PCDH15: variants seen among roughly 807,000 people sequenced by gnomAD.
The protein encoded by PCDH15 is protocadherin-15.
Under a neutral mutation model 178.5 loss-of-function variants are expected in PCDH15, and 129 were observed. That is an observed-to-expected ratio of 0.72 (90% CI 0.63 to 0.84). The LOEUF (loss-of-function observed/expected upper bound fraction) is 0.84. Among genes scored for constraint, PCDH15 ranks in the 40% least tolerant of loss-of-function variants. PCDH15 has a pLI of 0.00. For synonymous variants in PCDH15, 800 were observed against 732.0 expected (o/e 1.09, Z -1.50); for missense variants, 2,230 against 2,099.9 (o/e 1.06, Z -1.21).
chr10:54,921,842 C>CCCGAG (rs1837497156), intron 2 of PCDH15, among the ~76,000 whole-genome samples: 1 of 152,152 alleles, frequency 6.6e-6, no homozygotes, highest in Admixed American at 6.5e-5. Flanking sequence ...CAGGTAGCAT[C>CCCGAG]TCTGGGGAGG....
intron 2 of PCDH15, among the ~76,000 whole-genome samples, chr10:54,540,855 T>C (rs1462653207): frequency 6.6e-6 from 1 of 152,160 alleles, no homozygotes; most frequent in East Asian, 1.9e-4. Flanking sequence ...TGGTTCAATA[T>C]ATGCAATTCA....
intron 21 of PCDH15, among the ~76,000 whole-genome samples, chr10:53,992,068 C>T (rs766710877): frequency 5.3e-5 from 8 of 151,826 alleles, no homozygotes; most frequent in African/African-American, 1.2e-4. Context: ...ACACTTGCTG[C>T]GAAGGTCTGC....
intron 24 of PCDH15, among the ~76,000 whole-genome samples, chr10:53,939,513 G>C (rs1444798611): frequency 6.6e-6 from 1 of 151,786 alleles, no homozygotes; most frequent in African/African-American, 2.4e-5. Context: ...AGGGCACTTT[G>C]GTAAACTTTA....
At chr10:55,272,838 C>A (rs940867726) in intron 1 of PCDH15, among the ~76,000 whole-genome samples, 1 of 151,928 alleles carries the variant, frequency 6.6e-6, no homozygotes, top group Non-Finnish European at 1.5e-5. Flanking sequence ...AATTCCTTCT[C>A]CCCCCAGCCT....
At chr10:55,154,155 G>C (rs892729993) in intron 2 of PCDH15, among the ~76,000 whole-genome samples, 1 of 152,028 alleles carries the variant, frequency 6.6e-6, no homozygotes, top group African/African-American at 2.4e-5. Context: ...AGACCACTAG[G>C]AGATAAATTG....
intron 3 of PCDH15, among the ~76,000 whole-genome samples, chr10:54,428,959 G>A (rs900269933): frequency 2.0e-5 from 3 of 152,192 alleles, no homozygotes; most frequent in African/African-American, 4.8e-5. Flanking sequence ...GGTTGTTAGT[G>A]AGCAAGAATA....
At chr10:54,070,711 T>C (rs1283572825) in intron 17 of PCDH15, among the ~76,000 whole-genome samples, 2 of 152,156 alleles carry the variant, frequency 1.3e-5, no homozygotes, top group Non-Finnish European at 1.5e-5. Context: ...CACCTCAGTC[T>C]CCTAAGTAGG....
chr10:54,750,398 C>A (rs1226105116), intron 1 of PCDH15, among the ~76,000 whole-genome samples: 1 of 152,024 alleles, frequency 6.6e-6, no homozygotes, highest in African/African-American at 2.4e-5. Context: ...AGTCAACTAA[C>A]CAAAGGAAAC....
At chr10:54,506,713 A>C (rs999068824) in intron 3 of PCDH15, among the ~76,000 whole-genome samples, 1 of 152,028 alleles carries the variant, frequency 6.6e-6, no homozygotes, top group Non-Finnish European at 1.5e-5. Flanking sequence ...CAGTGTTTGC[A>C]TTTCAGTAAG....
intron 2 of PCDH15, among the ~76,000 whole-genome samples, chr10:55,047,516 A>C (rs1841041758): frequency 6.6e-6 from 1 of 151,906 alleles, no homozygotes; most frequent in Non-Finnish European, 1.5e-5. Flanking sequence ...TGAAGAACTC[A>C]TAGCTAACTG....
intron 21 of PCDH15, among the ~76,000 whole-genome samples, chr10:53,972,813 A>G (rs2089845010): frequency 1.3e-5 from 2 of 152,184 alleles, no homozygotes; most frequent in African/African-American, 4.8e-5. Flanking sequence ...GAGGATGTGG[A>G]GAAACAGGAA....
At chr10:54,640,734 A>T (rs141386280) in intron 2 of PCDH15, among the ~76,000 whole-genome samples, 1 of 152,022 alleles carries the variant, frequency 6.6e-6, no homozygotes. Flanking sequence ...GAGTGGAAGA[A>T]TTAGAAAAAG....
At chr10:55,523,361 A>G (rs1273636907) in intron 2 of PCDH15, among the ~76,000 whole-genome samples, 1 of 151,596 alleles carries the variant, frequency 6.6e-6, no homozygotes, top group Admixed American at 6.6e-5. Context: ...AAATTAAAAA[A>G]TTAATAATAT....
intron 1 of PCDH15, among the ~76,000 whole-genome samples, chr10:55,229,988 G>A (rs557711027): frequency 8.6e-5 from 13 of 152,046 alleles, no homozygotes; most frequent in African/African-American, 3.1e-4. Context: ...CAATAGCAAT[G>A]GGGCTATTTT....
chr10:54,450,720 C>T (rs2076432987), intron 3 of PCDH15, among the ~76,000 whole-genome samples: 1 of 151,792 alleles, frequency 6.6e-6, no homozygotes, highest in Admixed American at 6.6e-5. Context: ...AAAAAAATCC[C>T]ATGACACCTA....
intron 2 of PCDH15, among the ~76,000 whole-genome samples, chr10:55,155,311 T>C (rs1838852692): frequency 6.6e-6 from 1 of 152,048 alleles, no homozygotes; most frequent in Non-Finnish European, 1.5e-5. Context: ...AATTTTATTA[T>C]TTATATGTTC....
At chr10:53,909,483 T>C (rs1223111328) in intron 25 of PCDH15, among the ~76,000 whole-genome samples, 1 of 152,126 alleles carries the variant, frequency 6.6e-6, no homozygotes, top group Non-Finnish European at 1.5e-5. Flanking sequence ...TCCTGTAAAT[T>C]AAATGAGGTA....
At chr10:53,855,557 T>C (rs1589112201) in intron 28 of PCDH15, among the ~76,000 whole-genome samples, 2 of 152,184 alleles carry the variant, frequency 1.3e-5, no homozygotes, top group Middle Eastern at 3.4e-3. Context: ...GAATCATATA[T>C]GCTTTTCTTA....
intron 2 of PCDH15, among the ~76,000 whole-genome samples, chr10:54,986,640 AG>A (rs1839372589): frequency 6.6e-6 from 1 of 152,172 alleles, no homozygotes; most frequent in African/African-American, 2.4e-5. Flanking sequence ...CTTTCAACAA[AG>A]CCACATGGAT....
Sources: gnomAD v4.1 joint callset for allele counts (sites outside exome capture counted in the v4.1 genomes callset) on GRCh38, gnomAD v4.1.1 for gene constraint, MANE v1.5 for transcripts, NCBI Gene and HGNC (gene_info 2026-07-23, HGNC 2026-07-21) for gene names.